PLCH1: variants seen among roughly 807,000 people sequenced by gnomAD.
The protein encoded by PLCH1 is 1-phosphatidylinositol 4,5-bisphosphate phosphodiesterase eta-1.
In PLCH1, 60 loss-of-function variants were observed where a neutral mutation model predicts 126.7. The observed-to-expected ratio is 0.47, with a 90% CI of 0.38 to 0.59. PLCH1 has a LOEUF of 0.59. Among genes scored for constraint, PLCH1 ranks in the 20% least tolerant of loss-of-function variants. The pLI is 0.00. For synonymous variants in PLCH1, 719 were observed against 734.9 expected (o/e 0.98, Z 0.35); for missense variants, 1,723 against 2,040.0 (o/e 0.84, Z 2.99).
intron 2 of PLCH1, among the ~76,000 whole-genome samples, chr3:155,608,245 G>A (rs1734596879): frequency 6.6e-6 from 1 of 152,206 alleles, no homozygotes; most frequent in Non-Finnish European, 1.5e-5. Flanking sequence ...CAGGACTAGG[G>A]AGGGGGTCAC....
At chr3:155,475,656 G>A (rs184560460), downstream of PLCH1, among the ~76,000 whole-genome samples, 9 of 152,108 alleles carry the variant, frequency 5.9e-5, no homozygotes, top group South Asian at 2.1e-4. Context: ...GCAGCAATTC[G>A]AAGGACCATT....
intron 9 of PLCH1, among the ~76,000 whole-genome samples, chr3:155,553,850 T>C (rs1282264694): frequency 6.6e-6 from 1 of 152,182 alleles, no homozygotes; most frequent in Non-Finnish European, 1.5e-5. Flanking sequence ...TAAGGAGGCA[T>C]ATTGAGAAAG....
chr3:155,627,499 T>C (rs953066158), intron 2 of PLCH1, among the ~76,000 whole-genome samples: 36 of 151,594 alleles, frequency 2.4e-4, no homozygotes, highest in African/African-American at 8.5e-4. Context: ...CCCGGCGTGG[T>C]GGCGGGTGCC....
At position 155,594,064 on chromosome 3, in the gene PLCH1, T is replaced by A. The variant is rs1270947723; in HGVS notation, c.347A>T (p.Glu116Val). 6.2e-7 allele frequency: 1 copy of A among 1,614,040 alleles called. No individual in the cohort carries two copies. ...GTTGGAGGTGATGAGGTCCAGGGACTCCATGTGGTTGCCATGGTAGATGGT... is the reference window on the plus strand; with the variant it reads ...GTTGGAGGTGATGAGGTCCAGGGACACCATGTGGTTGCCATGGTAGATGGT... ...CFTIYHGNHM[E>V]SLDLITSNPE... is the part of the protein sequence containing the mutation. Residue 116 changes from glutamate (E) to valine (V), a missense_variant, in exon 4 of 23, where the codon GAG (glutamate) becomes GTG (valine). By Grantham distance (121) the Glu-to-Val change is moderately radical (BLOSUM62 -2). Coordinates refer to ENST00000460012, the MANE Select transcript of PLCH1 (RefSeq NM_014996.4).
chr3:155,497,500 A>G, intron 14 of PLCH1, 83 bp from the exon 15 acceptor site: 1 of 972,042 alleles, frequency 1.0e-6, no homozygotes, highest in Non-Finnish European at 1.6e-6. Context: ...TCCTTATTTA[A>G]GACAATGATT....
At chr3:155,743,857 A>G in intron 1 of PLCH1, 1 of 183,270 alleles carries the variant, frequency 5.5e-6, no homozygotes, top group Non-Finnish European at 1.2e-5. Flanking sequence ...CACTTCACTG[A>G]ATTTTCTAAC....
At chr3:155,513,328 C>A (rs1719860190) in intron 12 of PLCH1, among the ~76,000 whole-genome samples, 1 of 152,188 alleles carries the variant, frequency 6.6e-6, no homozygotes, top group African/African-American at 2.4e-5. Context: ...ATTTTTGGTT[C>A]TCTTACCACT....
chr3:155,582,756 G>T (rs908495916), intron 6 of PLCH1, among the ~76,000 whole-genome samples: 1 of 152,046 alleles, frequency 6.6e-6, no homozygotes, highest in African/African-American at 2.4e-5. Context: ...AATATAAAAG[G>T]TTAAAAAATT....
chr3:155,735,310 T>C (rs1303834455), intron 1 of PLCH1, among the ~76,000 whole-genome samples: 1 of 152,062 alleles, frequency 6.6e-6, no homozygotes, highest in African/African-American at 2.4e-5. Context: ...ATGATGACTA[T>C]CATTAATAAC....
intron 8 of PLCH1, among the ~76,000 whole-genome samples, chr3:155,559,752 CA>C (rs1401539735): frequency 6.6e-6 from 1 of 152,140 alleles, no homozygotes; most frequent in Non-Finnish European, 1.5e-5. Context: ...TTTGGACATA[CA>C]GAGCCAAGTA....
chr3:155,638,160 G>A (rs938424882), intron 2 of PLCH1, among the ~76,000 whole-genome samples: 3 of 152,178 alleles, frequency 2.0e-5, no homozygotes, highest in Admixed American at 6.5e-5. Context: ...GTGTTCAGTT[G>A]TAAGAATGCA....
At chr3:155,691,770 C>A (rs1190561075) in intron 2 of PLCH1, among the ~76,000 whole-genome samples, 1 of 152,180 alleles carries the variant, frequency 6.6e-6, no homozygotes, top group African/African-American at 2.4e-5. Context: ...TCTTTCTGTG[C>A]CAATTCTTCA....
rs755674803 is a variant in PLCH1 at position 155,492,871 on chromosome 3, TA to T, written c.2183-19del. On this transcript the variant is annotated intron_variant, in intron 17 of 22. Transcript: ENST00000460012. ...GAAAGTACCTAGGCCAAGTAAAGTA[TA>T]AGTTGGTAACATAAGAAGAAACACA... 10 of 1,563,294 alleles carry T rather than the reference TA, an allele frequency of 6.4e-6. No individual in the cohort carries two copies. The highest frequency in any genetic ancestry group is 8.6e-6 in the Non-Finnish European group (10 of 1,158,070).
At chr3:155,487,203 C>T (rs1125538) in intron 21 of PLCH1, 129,638 of 152,252 alleles carry the variant, frequency 0.85, 55,570 homozygotes, top group African/African-American at 0.95. Context: ...GCATTTACTG[C>T]GTACCAGGCA....
Position 155,704,245 on chromosome 3 carries a change from AGC to A in PLCH1, c.-23_-22del. The A allele has an allele frequency of 8.6e-7, 1 of 1,164,058 alleles. No individual in the cohort carries two copies. The highest frequency in any genetic ancestry group is 1.1e-6 in the Non-Finnish European group (1 of 926,132). 72.1% of individuals were successfully genotyped at this position (1,164,058 alleles called of 1,614,324 possible). A position where few individuals can be genotyped will look rare whatever the true frequency, so the allele number is the denominator to read the frequency against. On this transcript the variant is annotated 5_prime_UTR_variant, in exon 2 of 23. The change abolishes an upstream ATG in the 5' untranslated region. Transcript: ENST00000460012. ...CTCATTGTCAGAAGATTTCTGGCAC[AGC>A]ATCAAAACCAAATTGCCCTGTCAAG...
At chr3:155,717,651 C>T (rs1035793662) in intron 1 of PLCH1, among the ~76,000 whole-genome samples, 1 of 152,212 alleles carries the variant, frequency 6.6e-6, no homozygotes, top group Admixed American at 6.5e-5. Flanking sequence ...AGCCGGGATG[C>T]AGGGGGCAGT....
chr3:155,602,616 T>C (rs556551729), intron 2 of PLCH1, among the ~76,000 whole-genome samples: 1 of 152,344 alleles, frequency 6.6e-6, no homozygotes, highest in East Asian at 1.9e-4. Flanking sequence ...GCTCCTAGGC[T>C]ACAAACCTGT....
At chr3:155,484,203 C>G (rs1473847079) in intron 22 of PLCH1, among the ~76,000 whole-genome samples, 2 of 152,114 alleles carry the variant, frequency 1.3e-5, no homozygotes, top group Non-Finnish European at 1.5e-5. Context: ...GAAACATTAC[C>G]TCAAAATTGC....
At position 155,577,070 on chromosome 3, in the gene PLCH1, T is replaced by C. The variant is rs143441648; in HGVS notation, c.771+6402A>G. 4.9e-3 allele frequency among the ~76,000 whole-genome samples: 746 copies of C among 152,244 alleles called. 8 individuals carry two copies. Among genetic ancestry groups the C allele is most frequent in the Middle Eastern group, 0.017 (5 of 294 alleles). On this transcript the variant is annotated intron_variant, in intron 6 of 22. Transcript: ENST00000460012. ...GAAAGAAATTGTCTCCTAGCCTAGA[T>C]AGCATGGTGAGACCCTGTCTCTAAA...
Sources: gnomAD v4.1 joint callset for allele counts (sites outside exome capture counted in the v4.1 genomes callset) on GRCh38, gnomAD v4.1.1 for gene constraint, MANE v1.5 for transcripts, NCBI Gene and HGNC (gene_info 2026-07-23, HGNC 2026-07-21) for gene names.